Variants in CD38 observed in about 807,000 individuals in gnomAD.
The protein encoded by CD38 is CD38 molecule.
CD38 carries 31 observed loss-of-function variants against 36.3 expected under a neutral mutation model. The ratio of observed to expected loss-of-function variants is 0.85; its 90% CI spans 0.64 to 1.15. CD38 has a LOEUF of 1.15. Among genes scored for constraint, CD38 ranks in the 50% most tolerant of loss-of-function variants. The probability of loss-of-function intolerance (pLI) is 0.00; values close to 1 mark genes in which losing one functional copy is unlikely to be tolerated. For synonymous variants in CD38, 131 were observed against 135.2 expected, an observed-to-expected ratio of 0.97 and a Z score of 0.22; for missense variants, 380 against 371.9, an observed-to-expected ratio of 1.02 and a Z score of -0.18.
chr4:15,809,178 C>A (rs1201119536), intron 1 of CD38, among the ~76,000 whole-genome samples: 2 of 152,168 alleles, frequency 1.3e-5, no homozygotes, highest in Non-Finnish European at 2.9e-5. Context: ...ATAATTAGTA[C>A]AATGATTAGT....
chr4:15,838,190 T>C, intron 5 of CD38, 25 bp downstream of exon 5: 3 of 1,515,440 alleles, frequency 2.0e-6, no homozygotes, highest in Non-Finnish European at 2.8e-6. Flanking sequence ...TGCATCCTGT[T>C]TGCAAGTATC....
intron 1 of CD38, among the ~76,000 whole-genome samples, chr4:15,802,268 A>G (rs1272572156): frequency 6.6e-6 from 1 of 152,096 alleles, no homozygotes; most frequent in African/African-American, 2.4e-5. Flanking sequence ...ACTACAGAAC[A>G]CTAATAAAAG....
chr4:15,792,432 T>TAAAAAAAAAAAAAAA (rs1435943010), intron 1 of CD38, among the ~76,000 whole-genome samples: 11 of 54,254 alleles, frequency 2.0e-4, no homozygotes, highest in African/African-American at 7.3e-4. Flanking sequence ...AAAAATAAAA[T>TAAAAAAAAAAAAAAA]AAAATAAAAA....
At chr4:15,783,515 G>A (rs1257321093) in intron 1 of CD38, among the ~76,000 whole-genome samples, 1 of 152,148 alleles carries the variant, frequency 6.6e-6, no homozygotes, top group African/African-American at 2.4e-5. Context: ...GGGGCCCTGT[G>A]GGGAAGGACT....
chr4:15,840,674 T>G, intron 7 of CD38, 136 bp downstream of exon 7: 2 of 600,320 alleles, frequency 3.3e-6, no homozygotes, highest in South Asian at 4.1e-5. Flanking sequence ...GATGGCAACC[T>G]CTGGTGATCT....
At chr4:15,801,805 A>G (rs1723230068) in intron 1 of CD38, among the ~76,000 whole-genome samples, 1 of 152,168 alleles carries the variant, frequency 6.6e-6, no homozygotes, top group Admixed American at 6.5e-5. Context: ...TCATCTTAAT[A>G]AAGGCCATAT....
chr4:15,800,342 T>C (rs937948161), intron 1 of CD38, among the ~76,000 whole-genome samples: 1 of 152,210 alleles, frequency 6.6e-6, no homozygotes, highest in Admixed American at 6.5e-5. Context: ...CAGAGCCATA[T>C]GGTACATAAG....
chr4:15,778,616 G>T lies in CD38; in HGVS notation c.202G>T (p.Val68Phe). ...RFPETVLARC[V>F]KYTEIHPEMR... is the part of the protein sequence containing the mutation. ...TCCCGAGACCGTCCTGGCGCGATGC[G>T]TCAAGTACACTGAAATTCATCCTGA... Residue 68 changes from valine (V) to phenylalanine (F), a missense_variant, in exon 1 of 8, where the codon GTC (valine) becomes TTC (phenylalanine). Val to Phe is a conservative substitution (Grantham distance 50). Transcript: ENST00000226279. This position sits in a 1 kb window ranked among gnomAD's most constrained non-coding sequence, Gnocchi z 4.9. 6.2e-7 allele frequency: 1 copy of T among 1,613,356 alleles called. No homozygotes were observed. The highest frequency in any genetic ancestry group is 8.5e-7 in the Non-Finnish European group (1 of 1,179,660).
At chr4:15,838,309 G>A (rs78457989) in intron 5 of CD38, 144 bp downstream of exon 5, 7 of 665,174 alleles carry the variant, frequency 1.1e-5, no homozygotes, top group East Asian at 5.4e-5. Context: ...TTTGAATTCC[G>A]TGGAGAGAGT....
intron 1 of CD38, among the ~76,000 whole-genome samples, chr4:15,785,405 T>C (rs1255507607): frequency 6.6e-6 from 1 of 152,152 alleles, no homozygotes; most frequent in Admixed American, 6.5e-5. Context: ...CTTTTGGCCT[T>C]GTGTTTTGCT....
At position 15,782,734 on chromosome 4, in the gene CD38, CT is replaced by C. The variant is rs758897781; in HGVS notation, c.233+4089del. Among the ~76,000 whole-genome samples the C allele has an allele frequency of 5.8e-4, 88 of 152,196 alleles. 1 individual carries two copies. In the Middle Eastern group the frequency reaches 0.01, roughly 18 times the overall value. On this transcript the variant is annotated intron_variant, in intron 1 of 7. Coordinates refer to ENST00000226279, the MANE Select transcript of CD38 (RefSeq NM_001775.4). ...TAATTTTTCCTTTGTGTAGTAGGTC[CT>C]TAGTATTTCTTTAGAGGTTGTAGCA...
intron 1 of CD38, among the ~76,000 whole-genome samples, chr4:15,812,713 C>G (rs2148921309): frequency 6.6e-6 from 1 of 152,174 alleles, no homozygotes; most frequent in South Asian, 2.1e-4. Context: ...AAAACAAAAA[C>G]AAAAACAATA....
chr4:15,837,990 A>C, intron 4 of CD38, 102 bp from the exon 5 acceptor site: 1 of 897,918 alleles, frequency 1.1e-6, no homozygotes, highest in Non-Finnish European at 1.8e-6. Flanking sequence ...CATATGGGAT[A>C]TCCTTCCTTA....
intron 7 of CD38, among the ~76,000 whole-genome samples, chr4:15,847,468 A>G (rs1472754174): frequency 6.8e-5 from 6 of 88,092 alleles, no homozygotes; most frequent in Middle Eastern, 4.2e-3. Context: ...TAGATGACAC[A>G]TTAGTGGGTG....
intron 3 of CD38, among the ~76,000 whole-genome samples, chr4:15,832,155 C>T (rs1231003270): frequency 6.6e-6 from 1 of 151,958 alleles, no homozygotes; most frequent in Non-Finnish European, 1.5e-5. Context: ...TAATTATTTC[C>T]ATCTCTTTGT....
chr4:15,792,202 T>G (rs1723014117), intron 1 of CD38, among the ~76,000 whole-genome samples: 1 of 97,542 alleles, frequency 1.0e-5, no homozygotes, highest in Non-Finnish European at 1.9e-5. Context: ...AAGATGTGCT[T>G]TGTTAAACAG....
chr4:15,796,737 AT>A (rs1301242797), intron 1 of CD38, among the ~76,000 whole-genome samples: 1 of 152,012 alleles, frequency 6.6e-6, no homozygotes, highest in African/African-American at 2.4e-5. Context: ...ATATCCATAT[AT>A]TTTTCCACAC....
intron 4 of CD38, among the ~76,000 whole-genome samples, chr4:15,835,643 G>A (rs1037618297): frequency 6.6e-6 from 1 of 151,822 alleles, no homozygotes; most frequent in Non-Finnish European, 1.5e-5. Flanking sequence ...CTCCCAAGGT[G>A]CTAAGACTAC....
chr4:15,799,556 T>C (rs1176965256), intron 1 of CD38, among the ~76,000 whole-genome samples: 1 of 152,238 alleles, frequency 6.6e-6, no homozygotes, highest in Non-Finnish European at 1.5e-5. Flanking sequence ...TTCATCCATG[T>C]TGTATGTATT....
Sources: allele counts gnomAD v4.1 joint callset (sites outside exome capture counted in the v4.1 genomes callset), GRCh38; gene constraint gnomAD v4.1.1; non-coding constraint Gnocchi (gnomAD v3.1); transcripts MANE v1.5; gene names NCBI Gene and HGNC (gene_info 2026-07-23, HGNC 2026-07-21).